CACNA1G: variants seen among roughly 807,000 people sequenced by gnomAD.
CACNA1G encodes calcium voltage-gated channel subunit alpha1 G.
A neutral mutation model predicts 219.4 loss-of-function variants in CACNA1G; 67 were observed. The ratio of observed to expected loss-of-function variants is 0.31; its 90% confidence interval spans 0.25 to 0.37. CACNA1G has a LOEUF of 0.37. CACNA1G is among the 10% of genes least tolerant of loss of function. CACNA1G has a pLI of 1.00. For synonymous variants in CACNA1G, 1,296 were observed against 1,345.3 expected, an observed-to-expected ratio of 0.96 and a Z score of 0.80; for missense variants, 2,380 against 3,231.4, an observed-to-expected ratio of 0.74 and a Z score of 6.39.
rs983095142 is a variant in CACNA1G, at chr17:50,600,146, G to A, written c.3690+287G>A. On this transcript the variant is annotated intron_variant, in intron 17 of 37. Coordinates refer to ENST00000359106, the MANE Select transcript of CACNA1G (RefSeq NM_018896.5). The surrounding 1 kb of genome is among the most constrained non-coding windows in gnomAD (Gnocchi z 4.1). The stretch of plus-strand genomic sequence containing the variant: ...TTCATGGCCCTCCCCCTGTGACTCA[G>A]AAAGACCCATCACTCATCTCTCCAA... 6.6e-6 allele frequency among the ~76,000 whole-genome samples: 1 copy of A among 152,076 alleles called. No individual in the cohort carries two copies. Among genetic ancestry groups the A allele is most frequent in the African/African-American group, 2.4e-5 (1 of 41,410 alleles).
Position 50,601,299 on chromosome 17 carries a change from A to G in CACNA1G, c.3915+125A>G, listed in dbSNP as rs1274813697. 5.8e-6 allele frequency: 7 copies of G among 1,197,354 alleles called. No homozygotes were observed. The East Asian group carries it at 1.8e-4, about 31-fold the overall frequency. 74.2% of individuals were successfully genotyped at this position (1,197,354 alleles called of 1,614,324 possible). ...CACAGCAGGGAACGAGGGGGCCAGG[A>G]CTCTCCTTTAGGTCTCTCACCAGAT... On this transcript the variant is annotated intron_variant, in intron 19 of 37. Transcript: ENST00000359106.
At position 50,604,237 on chromosome 17, in the gene CACNA1G, A is replaced by G. The variant is rs1393961368; in HGVS notation, c.4252A>G (p.Ile1418Val). The G allele has an allele frequency of 6.2e-7, 1 of 1,613,752 alleles. No homozygotes were observed. The highest frequency in any genetic ancestry group is 8.5e-7 in the Non-Finnish European group (1 of 1,179,720). The change falls in exon 22 of 38, where the codon ATC (isoleucine) becomes GTC (valine). Residue 1418 changes from isoleucine to valine, a missense_variant. Ile to Val is a conservative substitution (Grantham distance 29, BLOSUM62 3). Transcript: ENST00000359106. The stretch of plus-strand genomic sequence containing the variant: ...GAAACCCATCGGCAACATTGTAGTC[A>G]TCTGCTGTGCCTTCTTCATCATTTT... Reference protein sequence around the residue: ...SLKPIGNIVVICCAFFIIFGI... With the variant: ...SLKPIGNIVVVCCAFFIIFGI...
At chr17:50,608,904 C>CCT (rs147501525) in intron 25 of CACNA1G, among the ~76,000 whole-genome samples, 6 of 151,030 alleles carry the variant, frequency 4.0e-5, no homozygotes, top group African/African-American at 1.2e-4. Context: ...AATCTCCGCG[C>CCT]CTCTCTCTCT....
Position 50,623,255 on chromosome 17 carries a change from T to G in CACNA1G, c.6061-652T>G, listed in dbSNP as rs547436772. On this transcript the variant is annotated intron_variant, in intron 35 of 37. Transcript: ENST00000359106. ...GGATTACAGGTGCCACGCCACCATA[T>G]CCAGCTAATTTTTTTTTTTTTTTTT... Among the ~76,000 whole-genome samples, 25 of 135,666 alleles carry G rather than the reference T, an allele frequency of 1.8e-4. 1 individual carries two copies. The South Asian group carries it at 6.0e-3, about 33-fold the overall frequency. 89.0% of individuals were successfully genotyped at this position (135,666 alleles called of 152,430 possible).
In CACNA1G at chr17:50,578,396, G is replaced by T; in HGVS notation, c.2133G>T (p.Arg711=). 6.2e-7 allele frequency: 1 copy of T among 1,613,350 alleles called. No homozygotes were observed. The highest frequency in any genetic ancestry group is 8.5e-7 in the Non-Finnish European group (1 of 1,179,852). ...GCGACCTCCGGGACCCCCACAGCCG[G>T]CGGCAACGGAGCCTGGGCCCAGATG... ...QHSDLRDPHS[R]RQRSLGPDAE... The change falls in exon 9 of 38, where the codon CGG becomes CGT. Residue 711 remains arginine, a synonymous_variant. Transcript: ENST00000359106. The surrounding 1 kb of genome is among the most constrained non-coding windows in gnomAD (Gnocchi z 4.5).
Position 50,626,896 on chromosome 17 carries a change from G to A in CACNA1G, c.*145G>A. ...CCTGCCTCAGTGGCTCTGGGTACCT[G>A]CAAGCAGAACTTCCAAAGAGAGTTA... On this transcript the variant is annotated 3_prime_UTR_variant, in exon 38 of 38. Transcript: ENST00000359106. This position sits in a 1 kb window ranked among gnomAD's most constrained non-coding sequence, Gnocchi z 4.3. 1 of 1,033,162 alleles carries A rather than the reference G, an allele frequency of 9.7e-7. No homozygotes were observed. The highest frequency in any genetic ancestry group is 1.5e-6 in the Non-Finnish European group (1 of 661,040). 64.0% of individuals were successfully genotyped at this position (1,033,162 alleles called of 1,614,324 possible).
In CACNA1G at chr17:50,600,689, G is replaced by A. The variant is rs781595989; in HGVS notation, c.3691-37G>A. ...GAGCCAGGAGCCGGGGAACCTGGAG[G>A]CCTGGTCCTGCTCATACTCCAGTGT... On this transcript the variant is annotated intron_variant, in intron 17 of 37. Transcript: ENST00000359106. The surrounding 1 kb of genome is among the most constrained non-coding windows in gnomAD (Gnocchi z 4.1). 8.3e-5 allele frequency: 131 copies of A among 1,569,886 alleles called. No individual in the cohort carries two copies. Among genetic ancestry groups the A allele is most frequent in the Non-Finnish European group, 1.1e-4 (131 of 1,140,336 alleles).
intron 13 of CACNA1G, among the ~76,000 whole-genome samples, chr17:50,592,601 T>C (rs773808084): frequency 6.6e-6 from 1 of 152,136 alleles, no homozygotes; most frequent in Non-Finnish European, 1.5e-5. Flanking sequence ...GAGATGAGCG[T>C]CCTATTTCCA....
At chr17:50,610,040 T>C in intron 26 of CACNA1G, 105 bp downstream of exon 26, 1 of 1,183,984 alleles carries the variant, frequency 8.4e-7, no homozygotes, top group Non-Finnish European at 1.2e-6. Flanking sequence ...TGAGGGTCCC[T>C]GGGGCCCCCA....
chr17:50,624,609 A>G, intron 37 of CACNA1G, 80 bp downstream of exon 37: 1 of 1,296,098 alleles, frequency 7.7e-7, no homozygotes, highest in Non-Finnish European at 1.1e-6. Context: ...TGACACTTTC[A>G]TTCTTCCAGC....
At position 50,621,147 on chromosome 17, in the gene CACNA1G, T is replaced by G. The variant is rs990592556; in HGVS notation, c.5926-513T>G. Among the ~76,000 whole-genome samples the G allele has an allele frequency of 2.6e-5, 4 of 152,150 alleles. No individual in the cohort carries two copies. The highest frequency in any genetic ancestry group is 6.5e-5 in the Admixed American group (1 of 15,286). Reference sequence around the variant, plus strand: ...GGCAGGCCAAGTCCTGCCAGGCTGTTGGAAGCCGAGAGAATAGGCAGAAAA... The same window carrying G: ...GGCAGGCCAAGTCCTGCCAGGCTGTGGGAAGCCGAGAGAATAGGCAGAAAA... On this transcript the variant is annotated intron_variant, in intron 34 of 37. Coordinates refer to ENST00000359106, the MANE Select transcript of CACNA1G (RefSeq NM_018896.5). The surrounding 1 kb of genome is among the most constrained non-coding windows in gnomAD (Gnocchi z 4.6).
At chr17:50,620,639 G>A (rs986707248) in intron 34 of CACNA1G, among the ~76,000 whole-genome samples, 1 of 152,220 alleles carries the variant, frequency 6.6e-6, no homozygotes, top group African/African-American at 2.4e-5. Flanking sequence ...GGTGTCAGCT[G>A]CAGATAGAAA....
At chr17:50,569,659 C>A in intron 3 of CACNA1G, 47 bp from the exon 4 acceptor site, 1 of 1,366,310 alleles carries the variant, frequency 7.3e-7, no homozygotes. Flanking sequence ...TTTGACCCCA[C>A]TGTGGCCTCA....
intron 1 of CACNA1G, among the ~76,000 whole-genome samples, chr17:50,566,307 C>CG (rs947366285): frequency 6.2e-4 from 64 of 103,538 alleles, no homozygotes; most frequent in Non-Finnish European, 6.5e-4. Context: ...GGGTGAAAGA[C>CG]CCCCCCCCCA....
In CACNA1G at chr17:50,591,727, T is replaced by G; in HGVS notation, c.2640-12T>G. 1 of 1,612,458 alleles carries G rather than the reference T, an allele frequency of 6.2e-7. No homozygotes were observed. The highest frequency in any genetic ancestry group is 1.1e-5 in the South Asian group (1 of 91,052). On this transcript the variant is annotated splice_polypyrimidine_tract_variant and intron_variant, in intron 11 of 37. Coordinates refer to ENST00000359106, the MANE Select transcript of CACNA1G (RefSeq NM_018896.5). ...CTCTGATCCCTAGCTTGTGGCCCCC[T>G]TGTGCCCACAGCATCCTGGGCATGC...
intron 13 of CACNA1G, among the ~76,000 whole-genome samples, chr17:50,592,901 C>A (rs1324701016): frequency 6.6e-6 from 1 of 152,200 alleles, no homozygotes; most frequent in Non-Finnish European, 1.5e-5. Flanking sequence ...GCGGCCTGGT[C>A]TATAAATACC....
rs779717279 is a variant in CACNA1G, at chr17:50,606,020, C to T, written c.4419C>T (p.Gly1473=). ...VRHKYNFDNL[G]QALMSLFVLA... ...ACAAGTACAACTTTGACAACCTTGG[C>T]CAGGTGAGCCCCAGGCTCAGAGGTG... The change falls in exon 23 of 38, where the codon GGC becomes GGT. Residue 1473 remains glycine (G), a synonymous_variant. Transcript: ENST00000359106. 2 of 1,613,854 alleles carry T rather than the reference C, an allele frequency of 1.2e-6. No homozygotes were observed. The highest frequency in any genetic ancestry group is 1.7e-6 in the Non-Finnish European group (2 of 1,179,834).
At chr17:50,599,357 G>T in intron 16 of CACNA1G, 71 bp from the exon 17 acceptor site, 7 of 1,327,776 alleles carry the variant, frequency 5.3e-6, no homozygotes, top group African/African-American at 1.5e-5. Flanking sequence ...GCTCCCAGGA[G>T]ACCGGGTGCA....
chr17:50,573,177 A>G, intron 7 of CACNA1G, 64 bp downstream of exon 7: 1 of 1,195,170 alleles, frequency 8.4e-7, no homozygotes, highest in East Asian at 2.5e-5. Context: ...GGGGCAGTCC[A>G]GAGAGGGGAT....
Sources: gnomAD v4.1 joint callset for allele counts (sites outside exome capture counted in the v4.1 genomes callset) on GRCh38, gnomAD v4.1.1 for gene constraint, Gnocchi (gnomAD v3.1) non-coding constraint, MANE v1.5 for transcripts, NCBI Gene and HGNC (gene_info 2026-07-23, HGNC 2026-07-21) for gene names.